Variants in SLCO3A1 observed in about 807,000 individuals in gnomAD.
SLCO3A1 encodes the protein solute carrier organic anion transporter family member 3A1, also known as PGE1 transporter.
Under a neutral mutation model 63.1 loss-of-function variants are expected in SLCO3A1, and 27 were observed. That is an observed-to-expected ratio of 0.43 (90% CI 0.32 to 0.59). SLCO3A1 has a LOEUF of 0.59. Ranked by LOEUF, SLCO3A1 falls within the 20% of genes least tolerant of loss-of-function variation. The pLI, the probability that SLCO3A1 is intolerant of heterozygous loss-of-function variation, is 0.09. For synonymous variants in SLCO3A1, 473 were observed against 409.9 expected, an observed-to-expected ratio of 1.15 and a Z score of -1.86; for missense variants, 773 against 945.8, an observed-to-expected ratio of 0.82 and a Z score of 2.40.
At chr15:92,078,566 G>A (rs2047306774) in intron 2 of SLCO3A1, among the ~76,000 whole-genome samples, 1 of 152,126 alleles carries the variant, frequency 6.6e-6, no homozygotes, top group Non-Finnish European at 1.5e-5. Context: ...CACATCTTGG[G>A]GCTCTCCCAC....
chr15:92,033,959 G>C lies in SLCO3A1; in HGVS notation c.647-60922G>C, dbSNP rs1289424153. 6.6e-6 allele frequency among the ~76,000 whole-genome samples: 1 copy of C among 151,978 alleles called. No individual in the cohort carries two copies. Among genetic ancestry groups the C allele is most frequent in the South Asian group, 2.1e-4 (1 of 4,812 alleles). On this transcript the variant is annotated intron_variant, in intron 2 of 9. Transcript: ENST00000318445. The surrounding 1 kb of genome is among the most constrained non-coding windows in gnomAD (Gnocchi z 4.5). ...CATGGGTGGGACCCAGTGAGGGAGGGGGAGGAGCAGAATGAATGGGGGCGC... is the reference window on the plus strand; with the variant it reads ...CATGGGTGGGACCCAGTGAGGGAGGCGGAGGAGCAGAATGAATGGGGGCGC...
rs763175706 is a variant in SLCO3A1 at position 91,916,628 on chromosome 15, G to A, written c.646+170G>A. Among the ~76,000 whole-genome samples the A allele has an allele frequency of 6.6e-6, 1 of 152,184 alleles. No homozygotes were observed. Among genetic ancestry groups the A allele is most frequent in the Non-Finnish European group, 1.5e-5 (1 of 68,028 alleles). ...GGGGGTGCAACCTGGGCATTGAGAC[G>A]TTTTTAAAAGTTCCCAGGTGATTCT... On this transcript the variant is annotated intron_variant, in intron 2 of 9. Coordinates refer to ENST00000318445, the MANE Select transcript of SLCO3A1 (RefSeq NM_013272.4). The surrounding 1 kb of genome is among the most constrained non-coding windows in gnomAD (Gnocchi z 6.2).
chr15:92,002,085 C>G (rs1259284777), intron 2 of SLCO3A1, among the ~76,000 whole-genome samples: 6 of 152,062 alleles, frequency 3.9e-5, no homozygotes, highest in Non-Finnish European at 8.8e-5. Flanking sequence ...AGTGCTGAAT[C>G]CATATTGAGC....
intron 3 of SLCO3A1, 52 bp downstream of exon 3, chr15:92,095,031 C>A: frequency 7.9e-7 from 1 of 1,260,156 alleles, no homozygotes; most frequent in Non-Finnish European, 1.2e-6. Flanking sequence ...TTTCCTCCCT[C>A]ATAAATGCGG....
At chr15:92,139,064 G>C (rs2048094316) in intron 7 of SLCO3A1, among the ~76,000 whole-genome samples, 1 of 147,236 alleles carries the variant, frequency 6.8e-6, no homozygotes, top group African/African-American at 2.6e-5. Flanking sequence ...AGTTTTCAAA[G>C]GGCATGCTTC....
At chr15:92,102,751 AG>A (rs562731615) in intron 3 of SLCO3A1, among the ~76,000 whole-genome samples, 182 of 152,306 alleles carry the variant, frequency 1.2e-3, no homozygotes, top group Middle Eastern at 3.4e-3. Flanking sequence ...TGGTGGCCTT[AG>A]GCTCATGGCA....
intron 2 of SLCO3A1, among the ~76,000 whole-genome samples, chr15:91,961,235 T>C (rs1051312871): frequency 6.6e-6 from 1 of 152,244 alleles, no homozygotes; most frequent in Non-Finnish European, 1.5e-5. Context: ...GATTCATTAA[T>C]TTTTGGCTGC....
intron 1 of SLCO3A1, among the ~76,000 whole-genome samples, chr15:91,901,764 T>G (rs945270542): frequency 5.3e-5 from 8 of 152,180 alleles, no homozygotes; most frequent in Non-Finnish European, 1.0e-4. Flanking sequence ...TTTCTGTGGG[T>G]CTTTGCCTTT....
rs890638002 is a variant in SLCO3A1, at chr15:91,872,682, A to T, written c.180+18594A>T. 3.3e-4 allele frequency among the ~76,000 whole-genome samples: 50 copies of T among 152,334 alleles called. No homozygotes were observed. The highest frequency in any genetic ancestry group is 2.1e-4 in the South Asian group (1 of 4,832). On this transcript the variant is annotated intron_variant, in intron 1 of 9. Coordinates refer to ENST00000318445, the MANE Select transcript of SLCO3A1 (RefSeq NM_013272.4). The surrounding 1 kb of genome is among the most constrained non-coding windows in gnomAD (Gnocchi z 4.1). ...ACGCCTTGAAAAAATTCGCAGCTGA[A>T]TGCTTCAGTGTCTTGAGTGTGTTGA...
At chr15:91,979,513 A>G (rs1217383680) in intron 2 of SLCO3A1, among the ~76,000 whole-genome samples, 1 of 152,204 alleles carries the variant, frequency 6.6e-6, no homozygotes, top group Admixed American at 6.5e-5. Flanking sequence ...TCTGGCAGTT[A>G]GCAGAACCTT....
intron 1 of SLCO3A1, among the ~76,000 whole-genome samples, chr15:91,889,886 G>A (rs1188215028): frequency 6.6e-6 from 1 of 151,048 alleles, no homozygotes. Context: ...CTACTTTAAG[G>A]GAAAGATAGT....
At chr15:92,047,592 T>TAATATATAAATATATATATA (rs1317548390) in intron 2 of SLCO3A1, among the ~76,000 whole-genome samples, 9,892 of 22,752 alleles carry the variant, frequency 0.43, 2,618 homozygotes, top group East Asian at 0.64. Flanking sequence ...AATATATATA[T>TAATATATAAATATATATATA]AATATATAAT....
chr15:92,039,860 T>C (rs1478719787), intron 2 of SLCO3A1, among the ~76,000 whole-genome samples: 1 of 150,898 alleles, frequency 6.6e-6, no homozygotes, highest in Non-Finnish European at 1.5e-5. Context: ...GTGGTACATA[T>C]ACACAGTGGA....
chr15:91,909,175 G>T (rs1898406098), intron 1 of SLCO3A1, among the ~76,000 whole-genome samples: 1 of 152,172 alleles, frequency 6.6e-6, no homozygotes, highest in Non-Finnish European at 1.5e-5. Flanking sequence ...CTTACCAATG[G>T]CCAGTGTTTG....
chr15:92,048,846 C>T (rs1481139546), intron 2 of SLCO3A1, among the ~76,000 whole-genome samples: 1 of 152,154 alleles, frequency 6.6e-6, no homozygotes, highest in Non-Finnish European at 1.5e-5. Context: ...TGCAGTGAGC[C>T]GAGATCACGC....
intron 2 of SLCO3A1, among the ~76,000 whole-genome samples, chr15:91,959,590 G>C (rs1900361628): frequency 6.6e-6 from 1 of 151,538 alleles, no homozygotes; most frequent in African/African-American, 2.4e-5. Context: ...AAATTCGCTG[G>C]GTGTGGTGGT....
intron 2 of SLCO3A1, among the ~76,000 whole-genome samples, chr15:92,087,969 G>A (rs890537527): frequency 4.6e-5 from 7 of 152,294 alleles, no homozygotes; most frequent in African/African-American, 1.7e-4. Flanking sequence ...GAGTCCCATG[G>A]TCGGATTGCA....
chr15:92,073,147 C>T (rs576685324), intron 2 of SLCO3A1, among the ~76,000 whole-genome samples: 33 of 152,218 alleles, frequency 2.2e-4, no homozygotes, highest in African/African-American at 6.3e-4. Flanking sequence ...CAAAGGCCTA[C>T]GCTGGGAAAT....
intron 2 of SLCO3A1, among the ~76,000 whole-genome samples, chr15:91,969,992 A>G (rs533268106): frequency 6.6e-6 from 1 of 152,196 alleles, no homozygotes; most frequent in Non-Finnish European, 1.5e-5. Flanking sequence ...ATTTGCCATG[A>G]TGAGCAAGGA....
Sources: allele counts gnomAD v4.1 joint callset (sites outside exome capture counted in the v4.1 genomes callset), GRCh38; gene constraint gnomAD v4.1.1; non-coding constraint Gnocchi (gnomAD v3.1); transcripts MANE v1.5; gene names NCBI Gene and HGNC (gene_info 2026-07-23, HGNC 2026-07-21).